The following COL13A1 variants were observed in gnomAD, a reference collection of about 807,000 sequenced individuals.
COL13A1 encodes the protein collagen type XIII alpha 1 chain.
A neutral mutation model predicts 130.9 loss-of-function variants in COL13A1; 89 were observed. That is an observed-to-expected ratio of 0.68 (90% confidence interval 0.57 to 0.81). COL13A1 has a LOEUF of 0.81. COL13A1 is among the 30% of genes least tolerant of loss of function. COL13A1 has a pLI of 0.00. For missense variants in COL13A1, 879 were observed against 934.6 expected (o/e 0.94, Z 0.78); for synonymous variants, 402 against 341.6 (o/e 1.18, Z -1.95).
At chr10:69,949,646 GAC>G (rs986873702) in intron 38 of COL13A1, among the ~76,000 whole-genome samples, 6 of 152,184 alleles carry the variant, frequency 3.9e-5, no homozygotes, top group African/African-American at 1.4e-4. Context: ...CTTTCTAAGG[GAC>G]ACACACGCCA....
At chr10:69,943,126 C>G (rs10999034) in intron 35 of COL13A1, among the ~76,000 whole-genome samples, 3,757 of 152,254 alleles carry the variant, frequency 0.025, 81 homozygotes, top group Middle Eastern at 0.095. Flanking sequence ...GGGATTACAG[C>G]CGTGAGCCAC....
chr10:69,869,729 T>C (rs557456369), intron 3 of COL13A1, among the ~76,000 whole-genome samples: 1 of 152,348 alleles, frequency 6.6e-6, no homozygotes, highest in South Asian at 2.1e-4. Context: ...TCCCAATCCA[T>C]TGGCATCAGT....
intron 1 of COL13A1, among the ~76,000 whole-genome samples, chr10:69,810,307 G>A (rs1284409509): frequency 6.6e-6 from 1 of 150,732 alleles, no homozygotes; most frequent in Non-Finnish European, 1.5e-5. Flanking sequence ...AGCTCCTCGG[G>A]TGATCGTGTT....
intron 28 of COL13A1, among the ~76,000 whole-genome samples, 200 bp from the exon 29 acceptor site, chr10:69,929,843 G>A (rs2065874759): frequency 6.6e-6 from 1 of 152,198 alleles, no homozygotes; most frequent in African/African-American, 2.4e-5. Context: ...TGGGCCTCAG[G>A]CACACAACTC....
At chr10:69,914,999 G>A (rs914727569) in intron 17 of COL13A1, among the ~76,000 whole-genome samples, 2 of 152,262 alleles carry the variant, frequency 1.3e-5, no homozygotes, top group African/African-American at 2.4e-5. Flanking sequence ...TGCAAAGGCT[G>A]TTTGGTGGAA....
At chr10:69,898,839 G>C (rs2061918135) in intron 14 of COL13A1, 77 bp downstream of exon 14, 5 of 1,124,494 alleles carry the variant, frequency 4.4e-6, no homozygotes, top group Non-Finnish European at 6.4e-6. Flanking sequence ...TGCAGACAAA[G>C]CCAGAACCTC....
chr10:69,958,871 T>C lies in COL13A1; in HGVS notation c.*170T>C. ...GAAAATATCAACCTCTTCCCTTTTG[T>C]TTACAAGATGTTTTGTATAAGCCTA... On this transcript the variant is annotated 3_prime_UTR_variant, in exon 41 of 41. Transcript: ENST00000645393. The C allele has an allele frequency of 1.1e-6, 1 of 908,482 alleles. No homozygotes were observed. The highest frequency in any genetic ancestry group is 1.6e-6 in the Non-Finnish European group (1 of 620,828). The allele number at this position is 908,482 out of a possible 1,614,324, so 56.3% of individuals were successfully genotyped here.
intron 2 of COL13A1, among the ~76,000 whole-genome samples, chr10:69,826,455 G>A (rs941009586): frequency 1.3e-5 from 2 of 152,198 alleles, no homozygotes; most frequent in African/African-American, 2.4e-5. Context: ...GTGCACTAGC[G>A]CCATGACCAG....
At chr10:69,852,323 A>T (rs1380897151) in intron 2 of COL13A1, among the ~76,000 whole-genome samples, 3 of 152,252 alleles carry the variant, frequency 2.0e-5, no homozygotes, top group African/African-American at 7.2e-5. Context: ...TAATAATAAT[A>T]AGCCAATACT....
chr10:69,820,636 A>G, intron 1 of COL13A1, among the ~76,000 whole-genome samples: 1 of 152,138 alleles, frequency 6.6e-6, no homozygotes, highest in African/African-American at 2.4e-5. Context: ...CCTTGGCCTC[A>G]ACATTCATCC....
intron 2 of COL13A1, among the ~76,000 whole-genome samples, chr10:69,841,729 C>A (rs973386975): frequency 1.3e-5 from 2 of 152,130 alleles, no homozygotes; most frequent in Non-Finnish European, 2.9e-5. Context: ...CCTCAAGCGT[C>A]CTTGAGCAGA....
At chr10:69,846,239 GA>G (rs1376201839) in intron 2 of COL13A1, among the ~76,000 whole-genome samples, 1 of 152,230 alleles carries the variant, frequency 6.6e-6, no homozygotes, top group Non-Finnish European at 1.5e-5. Flanking sequence ...GTGGTCCCAA[GA>G]CAGGGTCCTG....
chr10:69,917,401 T>C, intron 18 of COL13A1, 68 bp downstream of exon 18: 2 of 1,410,558 alleles, frequency 1.4e-6, no homozygotes, highest in Non-Finnish European at 9.9e-7. Context: ...CCCTCTCTCC[T>C]CAGCTCTGGG....
At chr10:69,825,106 C>A (rs1188214221) in intron 2 of COL13A1, among the ~76,000 whole-genome samples, 1 of 152,206 alleles carries the variant, frequency 6.6e-6, no homozygotes, top group Admixed American at 6.5e-5. Context: ...GCCACTGTGT[C>A]CCACTTGAGC....
intron 17 of COL13A1, among the ~76,000 whole-genome samples, chr10:69,915,734 G>T (rs920574992): frequency 6.6e-6 from 1 of 152,218 alleles, no homozygotes; most frequent in Non-Finnish European, 1.5e-5. Flanking sequence ...TGCGAGGGCA[G>T]CTCAGCCCAG....
At chr10:69,822,577 T>A (rs1270116538) in intron 2 of COL13A1, 139 bp downstream of exon 2, 1 of 615,410 alleles carries the variant, frequency 1.6e-6, no homozygotes, top group African/African-American at 1.9e-5. Context: ...ATATCTGTGG[T>A]TGCCTTCCAT....
rs1248634444 is a variant in COL13A1 at position 69,902,800 on chromosome 10, CT to C, written c.804del (p.Gly269AspfsTer64). 1.9e-6 allele frequency: 3 copies of C among 1,553,458 alleles called. No homozygotes were observed. Among genetic ancestry groups the C allele is most frequent in the African/African-American group, 1.4e-5 (1 of 73,188 alleles). ...IQGPPGPPGP[P>X]GPSGPLGHPG... ...GGTCCACCAGGGCCCCCAGGCCCCC[CT>C]GGACCAAGTGGACCTCTGGGGCACC... is the stretch of plus-strand genomic sequence containing the variant. On this transcript the variant is annotated frameshift_variant, in exon 15 of 41. Transcript: ENST00000645393. LOFTEE classifies it high-confidence loss of function.
chr10:69,946,805 T>C (rs1195290480), intron 37 of COL13A1, among the ~76,000 whole-genome samples: 1 of 152,082 alleles, frequency 6.6e-6, no homozygotes, highest in East Asian at 1.9e-4. Context: ...GTTTTTTGTT[T>C]TGAGACGGAG....
At chr10:69,936,025 A>C (rs964384523) in intron 32 of COL13A1, among the ~76,000 whole-genome samples, 36 of 138,862 alleles carry the variant, frequency 2.6e-4, no homozygotes, top group Non-Finnish European at 4.4e-4. Flanking sequence ...AAAAAAGAAA[A>C]AGAGAGAAAG....
Sources: gnomAD v4.1 joint callset for allele counts (sites outside exome capture counted in the v4.1 genomes callset) on GRCh38, gnomAD v4.1.1 for gene constraint, MANE v1.5 for transcripts, NCBI Gene and HGNC (gene_info 2026-07-23, HGNC 2026-07-21) for gene names.